The following CDK14 variants were observed in gnomAD, a reference collection of about 807,000 sequenced individuals.
CDK14 encodes the protein cyclin dependent kinase 14, also known as cyclin-dependent kinase 14.
A neutral mutation model predicts 60.7 loss-of-function variants in CDK14; 34 were observed. The observed-to-expected ratio is 0.56, with a 90% CI of 0.43 to 0.75. The LOEUF is 0.75. CDK14 is among the 30% of genes least tolerant of loss of function. The pLI, the probability that CDK14 is intolerant of heterozygous loss-of-function variation, is 0.00. For synonymous variants in CDK14, 197 were observed against 203.7 expected (o/e 0.97, Z 0.28); for missense variants, 482 against 564.1 (o/e 0.85, Z 1.47).
Position 90,863,087 on chromosome 7 carries a change from C to T in CDK14, c.545-88C>T, listed in dbSNP as rs562043382. ...GGAACATGTGAAAATAGATATCTCT[C>T]ATCTGACAGTGTGCCAAAATTATAA... is the stretch of plus-strand genomic sequence containing the variant. On this transcript the variant is annotated intron_variant, in intron 5 of 14. Transcript: ENST00000380050. 136 of 632,860 alleles carry T rather than the reference C, an allele frequency of 2.1e-4. No homozygotes were observed. The African/African-American group carries it at 2.4e-3, about 11-fold the overall frequency. The allele number at this position is 632,860 out of a possible 1,614,324, so 39.2% of individuals were successfully genotyped here.
intron 2 of CDK14, among the ~76,000 whole-genome samples, chr7:90,715,674 T>C (rs1471116900): frequency 1.4e-5 from 2 of 148,094 alleles, no homozygotes; most frequent in Non-Finnish European, 3.0e-5. Flanking sequence ...TTTTTTTTTT[T>C]TTCTAGAGTA....
intron 5 of CDK14, among the ~76,000 whole-genome samples, chr7:90,819,667 A>G (rs1430778913): frequency 6.6e-6 from 1 of 152,158 alleles, no homozygotes; most frequent in East Asian, 1.9e-4. Context: ...GTAGAAAACC[A>G]GTTTTTTGAT....
At chr7:91,021,918 T>G (rs1796443035) in intron 10 of CDK14, among the ~76,000 whole-genome samples, 1 of 152,184 alleles carries the variant, frequency 6.6e-6, no homozygotes, top group African/African-American at 2.4e-5. Context: ...TATGAAAGTG[T>G]GAGTAGATTT....
chr7:90,729,166 G>A (rs1802752138), intron 3 of CDK14, among the ~76,000 whole-genome samples: 1 of 151,626 alleles, frequency 6.6e-6, no homozygotes, highest in African/African-American at 2.4e-5. Flanking sequence ...GAAGGGATAG[G>A]GGGCTGGCCG....
intron 8 of CDK14, among the ~76,000 whole-genome samples, chr7:90,945,911 C>T (rs1343056685): frequency 6.6e-6 from 1 of 152,184 alleles, no homozygotes; most frequent in African/African-American, 2.4e-5. Flanking sequence ...CATACTACAT[C>T]AAACTGTCTC....
intron 2 of CDK14, among the ~76,000 whole-genome samples, chr7:90,644,945 C>G (rs4728914): frequency 0.31 from 47,102 of 152,018 alleles, 8,226 homozygotes; most frequent in East Asian, 0.68. Context: ...TAGACAAAAC[C>G]TTAAGGTAGA....
intron 8 of CDK14, among the ~76,000 whole-genome samples, chr7:90,940,874 A>G (rs1378384371): frequency 6.6e-6 from 1 of 152,164 alleles, no homozygotes; most frequent in African/African-American, 2.4e-5. Flanking sequence ...TATATATATG[A>G]TAAACACCTA....
rs149043473 is a variant in CDK14 at position 90,727,058 on chromosome 7, T to C, written c.369+246T>C. Among the ~76,000 whole-genome samples, 289 of 152,274 alleles carry C rather than the reference T, an allele frequency of 1.9e-3. 1 individual carries two copies. Among genetic ancestry groups the C allele is most frequent in the African/African-American group, 6.7e-3 (278 of 41,570 alleles). On this transcript the variant is annotated intron_variant, in intron 3 of 14. Coordinates refer to ENST00000380050, the MANE Select transcript of CDK14 (RefSeq NM_001287135.2). ...TGGAAAAATCATTTTTCCCCCTTAATTGTTTCTAGTTAGAGGAATTTATAA... is the reference window on the plus strand; with the variant it reads ...TGGAAAAATCATTTTTCCCCCTTAACTGTTTCTAGTTAGAGGAATTTATAA...
At chr7:91,094,102 G>A (rs182757657) in intron 12 of CDK14, among the ~76,000 whole-genome samples, 11 of 152,076 alleles carry the variant, frequency 7.2e-5, no homozygotes, top group Admixed American at 2.0e-4. Flanking sequence ...GGGATCATTC[G>A]TACTCCAAAC....
At position 90,596,437 on chromosome 7, in the gene CDK14, C is replaced by T. The variant is rs1799186681; in HGVS notation, c.-191C>T. 9.0e-6 allele frequency: 4 copies of T among 442,840 alleles called. No individual in the cohort carries two copies. The highest frequency in any genetic ancestry group is 8.7e-5 in the Admixed American group (2 of 23,028). The allele number at this position is 442,840 out of a possible 1,614,324, so 27.4% of individuals were successfully genotyped here. ...CGCCCCCGCCCGCCCAGCTGCGGCC[C>T]AGGCCGGAGCGGAGCCTGCCGTCCT... On this transcript the variant is annotated 5_prime_UTR_variant, in exon 1 of 15. Coordinates refer to ENST00000380050, the MANE Select transcript of CDK14 (RefSeq NM_001287135.2).
chr7:90,848,762 C>T (rs1028586105), intron 5 of CDK14, among the ~76,000 whole-genome samples: 30 of 152,216 alleles, frequency 2.0e-4, no homozygotes, highest in Middle Eastern at 3.4e-3. Flanking sequence ...ATCAATGAAT[C>T]TGTATTCAAA....
At position 90,797,592 on chromosome 7, in the gene CDK14, C is replaced by G. The variant is rs951881495; in HGVS notation, c.544+6940C>G. Among the ~76,000 whole-genome samples, 4 of 151,880 alleles carry G rather than the reference C, an allele frequency of 2.6e-5. No individual in the cohort carries two copies. In the East Asian group the frequency reaches 7.7e-4, roughly 29 times the overall value. ...TTCTTGCACTGTTGTAAAGAAATAC[C>G]TGAGACTGAGTAATTTCTAAAGAAA... On this transcript the variant is annotated intron_variant, in intron 5 of 14. Coordinates refer to ENST00000380050, the MANE Select transcript of CDK14 (RefSeq NM_001287135.2).
chr7:90,982,391 C>G (rs766497595), intron 9 of CDK14, among the ~76,000 whole-genome samples: 3 of 152,274 alleles, frequency 2.0e-5, no homozygotes, highest in East Asian at 3.9e-4. Context: ...TCAGGTAGAT[C>G]AGTCTGGCTC....
At chr7:90,791,462 C>A (rs1805827518) in intron 5 of CDK14, among the ~76,000 whole-genome samples, 1 of 152,080 alleles carries the variant, frequency 6.6e-6, no homozygotes, top group Non-Finnish European at 1.5e-5. Flanking sequence ...TCTCTTCATC[C>A]ATAACAAGAT....
intron 11 of CDK14, among the ~76,000 whole-genome samples, chr7:91,068,981 G>T (rs188363983): frequency 6.6e-6 from 1 of 152,138 alleles, no homozygotes; most frequent in Non-Finnish European, 1.5e-5. Flanking sequence ...GGGAATGCAA[G>T]CCCCCTGCAA....
At chr7:91,101,925 T>C (rs1161405671) in intron 12 of CDK14, among the ~76,000 whole-genome samples, 12 of 152,166 alleles carry the variant, frequency 7.9e-5, no homozygotes, top group Non-Finnish European at 1.5e-4. Flanking sequence ...CAAAAAGCTT[T>C]GATAAGAGGG....
chr7:90,659,301 A>G (rs1800813454), intron 2 of CDK14, among the ~76,000 whole-genome samples: 1 of 152,188 alleles, frequency 6.6e-6, no homozygotes, highest in African/African-American at 2.4e-5. Flanking sequence ...AAATTCACGA[A>G]CCCAAAGCAA....
intron 3 of CDK14, among the ~76,000 whole-genome samples, chr7:90,734,138 C>T (rs948629566): frequency 1.7e-4 from 26 of 152,188 alleles, no homozygotes; most frequent in African/African-American, 6.3e-4. Context: ...ATATTGGCCT[C>T]CACTCTCTTC....
chr7:91,115,525 G>A (rs764335028), intron 13 of CDK14, among the ~76,000 whole-genome samples: 67 of 152,194 alleles, frequency 4.4e-4, no homozygotes, highest in Non-Finnish European at 8.7e-4. Flanking sequence ...ATTTGAGGAC[G>A]GACACAATTC....
Sources: gnomAD v4.1 joint callset for allele counts (sites outside exome capture counted in the v4.1 genomes callset) on GRCh38, gnomAD v4.1.1 for gene constraint, MANE v1.5 for transcripts, NCBI Gene and HGNC (gene_info 2026-07-23, HGNC 2026-07-21) for gene names.